NETO2: variants seen among roughly 807,000 people sequenced by gnomAD.
The protein encoded by NETO2 is neuropilin and tolloid-like protein 2.
Under a neutral mutation model 62.5 loss-of-function variants are expected in NETO2, and 28 were observed. The observed-to-expected ratio is 0.45, with a 90% CI of 0.33 to 0.61. NETO2 has a LOEUF of 0.61. NETO2 is among the 20% of genes least tolerant of loss of function. NETO2 has a pLI of 0.02. For synonymous variants in NETO2, 214 were observed against 219.1 expected, an observed-to-expected ratio of 0.98 and a Z score of 0.21; for missense variants, 548 against 643.2, an observed-to-expected ratio of 0.85 and a Z score of 1.60.
In NETO2 at chr16:47,080,383, GTGACA is replaced by G. The variant is rs1158990801; in HGVS notation, c.*2833_*2837del. On this transcript the variant is annotated 3_prime_UTR_variant, in exon 9 of 9. Transcript: ENST00000562435. ...TGGGACACTGTGTGGGGTACCCTGC[GTGACA>G]GTTAATACTGTGTAATGAATTCCAC... 6.6e-6 allele frequency: 1 copy of G among 152,178 alleles called. No homozygotes were observed. The highest frequency in any genetic ancestry group is 1.5e-5 in the Non-Finnish European group (1 of 68,018). The allele number at this position is 152,178 out of a possible 1,614,324, so 9.4% of individuals were successfully genotyped here.
intron 1 of NETO2, among the ~76,000 whole-genome samples, chr16:47,142,535 A>G (rs913491794): frequency 6.6e-6 from 1 of 152,230 alleles, no homozygotes; most frequent in Non-Finnish European, 1.5e-5. Flanking sequence ...AGTTATACAT[A>G]ACACCGTTAA....
intron 6 of NETO2, among the ~76,000 whole-genome samples, chr16:47,110,515 C>T (rs1011000425): frequency 4.6e-5 from 7 of 152,166 alleles, no homozygotes; most frequent in Non-Finnish European, 1.0e-4. Flanking sequence ...ATCTGTTATT[C>T]GGTGGCAAGG....
chr16:47,087,498 C>T (rs1323234701), intron 7 of NETO2, among the ~76,000 whole-genome samples: 1 of 152,062 alleles, frequency 6.6e-6, no homozygotes, highest in South Asian at 2.1e-4. Flanking sequence ...TTTGGGAAGA[C>T]AAAAACTTTC....
Position 47,113,433 on chromosome 16 carries a change from G to C in NETO2, c.655-3722C>G, listed in dbSNP as rs796133510. Among the ~76,000 whole-genome samples, 102 of 152,174 alleles carry C rather than the reference G, an allele frequency of 6.7e-4. 1 individual carries two copies. Among genetic ancestry groups the C allele is most frequent in the African/African-American group, 2.4e-3 (98 of 41,510 alleles). On this transcript the variant is annotated intron_variant, in intron 6 of 8. Transcript: ENST00000562435. ...TTTGTCCTACAGTTCACTTTTTCCA[G>C]AATTTCATATAAATGAAATCACACA...
intron 1 of NETO2, among the ~76,000 whole-genome samples, chr16:47,140,620 ATTGACAG>A (rs748277496): frequency 3.6e-4 from 55 of 152,332 alleles, no homozygotes; most frequent in Admixed American, 6.5e-4. Context: ...AGACTTTTCA[ATTGACAG>A]TGTTAAAACA....
rs1963117924 is a variant in NETO2 at position 47,083,558 on chromosome 16, TC to T, written c.1240del (p.Asp414ThrfsTer58). The T allele has an allele frequency of 6.2e-7, 1 of 1,614,100 alleles. No homozygotes were observed. Among genetic ancestry groups the T allele is most frequent in the Non-Finnish European group, 8.5e-7 (1 of 1,180,054 alleles). On this transcript the variant is annotated frameshift_variant, in exon 9 of 9. Coordinates refer to ENST00000562435, the MANE Select transcript of NETO2 (RefSeq NM_018092.5). LOFTEE classifies it high-confidence loss of function. The stretch of plus-strand genomic sequence containing the variant: ...GTAGTTGTCCAATTCTTCCGACAAG[TC>T]TGCCAGGTCTGCAGAAATCTCTTTG... ...RDKEISADLA[D>X]LSEELDNYQK...
intron 1 of NETO2, among the ~76,000 whole-genome samples, chr16:47,133,680 GC>G (rs1253401641): frequency 4.6e-5 from 7 of 151,234 alleles, no homozygotes; most frequent in Non-Finnish European, 1.0e-4. Flanking sequence ...GGAGGCATGA[GC>G]TCTAACCTAC....
intron 4 of NETO2, among the ~76,000 whole-genome samples, chr16:47,124,534 TCAGA>T (rs1284956621): frequency 6.6e-6 from 1 of 152,190 alleles, no homozygotes; most frequent in Non-Finnish European, 1.5e-5. Context: ...TGAAATAACA[TCAGA>T]CAGACATATT....
chr16:47,134,278 T>C (rs906619567), intron 1 of NETO2, among the ~76,000 whole-genome samples: 8 of 152,236 alleles, frequency 5.3e-5, no homozygotes, highest in Non-Finnish European at 1.0e-4. Context: ...TCTTGCATCC[T>C]TGCTGACCTC....
chr16:47,113,095 T>C (rs1443267045), intron 6 of NETO2, among the ~76,000 whole-genome samples: 1 of 152,244 alleles, frequency 6.6e-6, no homozygotes, highest in Non-Finnish European at 1.5e-5. Flanking sequence ...CGATTTCATT[T>C]GGGTATACAT....
At chr16:47,119,611 T>G (rs575989491) in intron 6 of NETO2, among the ~76,000 whole-genome samples, 35 of 152,188 alleles carry the variant, frequency 2.3e-4, no homozygotes, top group African/African-American at 8.2e-4. Flanking sequence ...GATTTGTTTT[T>G]CTTTTAACTT....
intron 7 of NETO2, among the ~76,000 whole-genome samples, chr16:47,096,469 A>G (rs1224772038): frequency 6.6e-6 from 1 of 152,184 alleles, no homozygotes; most frequent in East Asian, 1.9e-4. Context: ...AGACATTACT[A>G]CAGATCTGAC....
intron 7 of NETO2, among the ~76,000 whole-genome samples, chr16:47,100,819 C>T (rs570832463): frequency 3.0e-4 from 45 of 152,246 alleles, no homozygotes; most frequent in Non-Finnish European, 4.9e-4. Flanking sequence ...TAATAGCCTA[C>T]CAACCAAAAA....
At chr16:47,121,361 G>A (rs1167542009) in intron 6 of NETO2, among the ~76,000 whole-genome samples, 3 of 152,150 alleles carry the variant, frequency 2.0e-5, no homozygotes, top group East Asian at 3.9e-4. Flanking sequence ...CTTTCTTGGT[G>A]ACTTTTAGAT....
At chr16:47,109,761 A>C (rs753400184) in intron 6 of NETO2, 50 bp from the exon 7 acceptor site, 12 of 1,337,286 alleles carry the variant, frequency 9.0e-6, no homozygotes, top group Non-Finnish European at 1.3e-5. Context: ...TATTAATTTG[A>C]ATTTTTCTAT....
intron 2 of NETO2, among the ~76,000 whole-genome samples, chr16:47,130,775 C>T (rs1964249436): frequency 6.6e-6 from 1 of 152,182 alleles, no homozygotes; most frequent in South Asian, 2.1e-4. Flanking sequence ...ATACCCATCC[C>T]CATCATTTGT....
At chr16:47,110,153 C>T (rs964457593) in intron 6 of NETO2, among the ~76,000 whole-genome samples, 1 of 152,224 alleles carries the variant, frequency 6.6e-6, no homozygotes, top group African/African-American at 2.4e-5. Flanking sequence ...ACACATCCTA[C>T]TTTAGCTGTA....
chr16:47,083,557 G>A lies in NETO2; in HGVS notation c.1242C>T (p.Asp414=). 1 of 1,614,208 alleles carries A rather than the reference G, an allele frequency of 6.2e-7. No homozygotes were observed. The highest frequency in any genetic ancestry group is 1.3e-5 in the African/African-American group (1 of 75,042). ...RDKEISADLA[D]LSEELDNYQK... is the part of the protein sequence containing the mutation. The stretch of plus-strand genomic sequence containing the variant: ...GGTAGTTGTCCAATTCTTCCGACAA[G>A]TCTGCCAGGTCTGCAGAAATCTCTT... The change falls in exon 9 of 9, where the codon GAC becomes GAT. Residue 414 remains aspartate, a synonymous_variant. Coordinates refer to ENST00000562435, the MANE Select transcript of NETO2 (RefSeq NM_018092.5).
intron 7 of NETO2, among the ~76,000 whole-genome samples, chr16:47,092,617 T>A (rs149069937): frequency 3.9e-5 from 6 of 152,184 alleles, no homozygotes; most frequent in African/African-American, 1.4e-4. Context: ...TAAAAGCCTT[T>A]CTTGTTAGCT....
Sources: gnomAD v4.1 joint callset for allele counts (sites outside exome capture counted in the v4.1 genomes callset) on GRCh38, gnomAD v4.1.1 for gene constraint, MANE v1.5 for transcripts, NCBI Gene and HGNC (gene_info 2026-07-23, HGNC 2026-07-21) for gene names.